The following TPO variants were observed in gnomAD, a reference collection of about 807,000 sequenced individuals.
TPO encodes thyroid peroxidase, also known as thyroid microsomal antigen.
In TPO, 78 loss-of-function variants were observed where a neutral mutation model predicts 96.9. The observed-to-expected ratio is 0.81, with a 90% confidence interval of 0.67 to 0.97. The LOEUF (loss-of-function observed/expected upper bound fraction) is 0.97, where lower values mean the gene tolerates loss of function less well. Ranked by LOEUF, TPO falls within the 50% of genes least tolerant of loss-of-function variation. TPO has a pLI of 0.00. For synonymous variants in TPO, 547 were observed against 538.0 expected (o/e 1.02, Z -0.23); for missense variants, 1,252 against 1,274.8 (o/e 0.98, Z 0.27).
intron 15 of TPO, among the ~76,000 whole-genome samples, chr2:1,526,761 GTGCAACCTCCCCAAATCCCCCCCAATC>G (rs1676614632): frequency 9.9e-6 from 1 of 100,982 alleles, no homozygotes; most frequent in Admixed American, 1.4e-4. Flanking sequence ...CCACCACTCT[GTGCAACCTCCCCAAATCCCCCCCAATC>G]TATGCAACCT....
intron 3 of TPO, among the ~76,000 whole-genome samples, chr2:1,424,106 G>A (rs1346515137): frequency 6.6e-6 from 1 of 152,192 alleles, no homozygotes; most frequent in African/African-American, 2.4e-5. Flanking sequence ...GAGGACATGT[G>A]CCCAAGATGG....
chr2:1,464,084 T>A (rs1668682972), intron 7 of TPO, among the ~76,000 whole-genome samples: 1 of 152,180 alleles, frequency 6.6e-6, no homozygotes, highest in Non-Finnish European at 1.5e-5. Flanking sequence ...AAGTCCACTG[T>A]GTCATTCTTA....
intron 4 of TPO, among the ~76,000 whole-genome samples, chr2:1,435,212 C>T (rs1665444727): frequency 6.6e-6 from 1 of 152,192 alleles, no homozygotes; most frequent in Non-Finnish European, 1.5e-5. Flanking sequence ...GGATTACAGG[C>T]GTGAGCCACC....
intron 1 of TPO, among the ~76,000 whole-genome samples, chr2:1,387,294 A>C (rs1045182530): frequency 4.6e-5 from 7 of 152,156 alleles, no homozygotes; most frequent in African/African-American, 1.4e-4. Flanking sequence ...TGGATAATAT[A>C]CTGCAGAGTG....
intron 8 of TPO, chr2:1,478,467 CTG>C: frequency 3.6e-5 from 33 of 927,126 alleles, no homozygotes; most frequent in Non-Finnish European, 4.1e-5. Context: ...GGCACAGGGG[CTG>C]TGTGTGGCAC....
intron 8 of TPO, among the ~76,000 whole-genome samples, chr2:1,480,097 TAATGA>T (rs1670396051): frequency 6.6e-6 from 1 of 152,166 alleles, no homozygotes; most frequent in African/African-American, 2.4e-5. Flanking sequence ...TTCTTATTAT[TAATGA>T]AATAATAACA....
intron 7 of TPO, among the ~76,000 whole-genome samples, chr2:1,459,201 G>A (rs561083652): frequency 6.6e-6 from 1 of 151,394 alleles, no homozygotes; most frequent in South Asian, 2.1e-4. Context: ...GCCCAGGCTG[G>A]AGTGCAGTGG....
At position 1,527,273 on chromosome 2, in the gene TPO, CAACCTCCCCAAATCCCCTCACTGTGT is replaced by C. The variant is rs1676799067; in HGVS notation, c.2618+10326_2618+10351del. Among the ~76,000 whole-genome samples the C allele has an allele frequency of 2.1e-4, 25 of 121,606 alleles. 1 individual carries two copies. In the East Asian group the frequency reaches 2.5e-3, roughly 12 times the overall value. 79.8% of individuals were successfully genotyped at this position (121,606 alleles called of 152,430 possible). A position where few individuals can be genotyped will look rare whatever the true frequency, so the allele number is the denominator to read the frequency against. ...ACCTCCCCAAAACCCCCACTGTGAG[CAACCTCCCCAAATCCCCTCACTGTGT>C]AACCTCCCCAAATCCCCTCACTGTG... On this transcript the variant is annotated intron_variant, in intron 15 of 16. Transcript: ENST00000329066.
chr2:1,394,630 A>C (rs930913243), intron 1 of TPO, among the ~76,000 whole-genome samples: 2 of 152,240 alleles, frequency 1.3e-5, no homozygotes, highest in African/African-American at 4.8e-5. Context: ...TGGAACAGGC[A>C]AATGCAAACG....
chr2:1,537,365 C>T (rs1405097837), intron 15 of TPO, among the ~76,000 whole-genome samples: 5 of 128,832 alleles, frequency 3.9e-5, no homozygotes, highest in Admixed American at 8.5e-5. Flanking sequence ...CTCCGCCTAT[C>T]GCCCTACTGT....
At chr2:1,499,498 G>A (rs1009723567) in intron 13 of TPO, among the ~76,000 whole-genome samples, 2 of 152,156 alleles carry the variant, frequency 1.3e-5, no homozygotes, top group East Asian at 1.9e-4. Flanking sequence ...GGCATGGTGC[G>A]TGCACAGCAG....
chr2:1,507,613 T>C (rs1673613211), intron 14 of TPO, among the ~76,000 whole-genome samples: 1 of 152,058 alleles, frequency 6.6e-6, no homozygotes, highest in South Asian at 2.1e-4. Context: ...CCTTGTAAGT[T>C]GGATTCCTAG....
chr2:1,529,218 TC>T (rs141597430), intron 15 of TPO, among the ~76,000 whole-genome samples: 18,298 of 37,568 alleles, frequency 0.49, 4,083 homozygotes, highest in Admixed American at 0.6. Context: ...CCTCCTCAAA[TC>T]CCCCCCACTG....
intron 5 of TPO, among the ~76,000 whole-genome samples, chr2:1,448,917 G>A (rs1667072770): frequency 6.6e-6 from 1 of 152,144 alleles, no homozygotes; most frequent in African/African-American, 2.4e-5. Flanking sequence ...CCTGACGCCC[G>A]GCTTCCCAAA....
chr2:1,532,155 A>G (rs1678428985), intron 15 of TPO, among the ~76,000 whole-genome samples: 1 of 100,658 alleles, frequency 9.9e-6, no homozygotes, highest in African/African-American at 4.0e-5. Flanking sequence ...CACTGTGTGC[A>G]ACCTACACAA....
chr2:1,378,578 G>A (rs1661757131), intron 1 of TPO, among the ~76,000 whole-genome samples: 1 of 152,230 alleles, frequency 6.6e-6, no homozygotes, highest in Non-Finnish European at 1.5e-5. Context: ...GTCAAATGTG[G>A]GATCTCTCCA....
rs1017311051 is a variant in TPO, at chr2:1,534,383, C to G, written c.2619-6211C>G. Among the ~76,000 whole-genome samples the G allele has an allele frequency of 8.0e-5, 12 of 150,170 alleles. 2 individuals are homozygous for G. The highest frequency in any genetic ancestry group is 1.8e-4 in the Non-Finnish European group (12 of 67,814). ...AACTGTGTTCAACCTCCCCAAATCC[C>G]TCCAACTGTGTGCAACCTCCCCAAA... On this transcript the variant is annotated intron_variant, in intron 15 of 16. Transcript: ENST00000329066.
chr2:1,432,560 G>A (rs1211570142), intron 3 of TPO, among the ~76,000 whole-genome samples: 225 of 118,512 alleles, frequency 1.9e-3, no homozygotes, highest in African/African-American at 6.1e-3. Flanking sequence ...CCTGCAGGTG[G>A]GGTGAGGCCT....
At chr2:1,478,585 TG>T (rs1371422800) in intron 8 of TPO, among the ~76,000 whole-genome samples, 2 of 152,364 alleles carry the variant, frequency 1.3e-5, no homozygotes, top group East Asian at 3.9e-4. Flanking sequence ...CTCCATGCGC[TG>T]GGTGTTAACC....
Sources: allele counts gnomAD v4.1 joint callset (sites outside exome capture counted in the v4.1 genomes callset), GRCh38; gene constraint gnomAD v4.1.1; transcripts MANE v1.5; gene names NCBI Gene and HGNC (gene_info 2026-07-23, HGNC 2026-07-21).